FNDC3A: variants seen among roughly 807,000 people sequenced by gnomAD.
FNDC3A encodes fibronectin type-III domain-containing protein 3A.
A neutral mutation model predicts 148.9 loss-of-function variants in FNDC3A; 32 were observed. That is an observed-to-expected ratio of 0.21 (90% CI 0.16 to 0.29). The LOEUF (loss-of-function observed/expected upper bound fraction) is 0.29. FNDC3A is among the 10% of genes least tolerant of loss of function. The pLI is 1.00. For missense variants in FNDC3A, 1,191 were observed against 1,452.8 expected (o/e 0.82, Z 2.93); for synonymous variants, 472 against 473.6 (o/e 1.00, Z 0.04).
At chr13:48,978,131 ATCTG>A (rs1455466005) in intron 1 of FNDC3A, among the ~76,000 whole-genome samples, 18 of 152,054 alleles carry the variant, frequency 1.2e-4, no homozygotes, top group Non-Finnish European at 1.5e-4. Context: ...CACTTCCTCT[ATCTG>A]TGTGAGTAAT....
chr13:49,119,732 G>T (rs1313383790), intron 4 of FNDC3A, among the ~76,000 whole-genome samples: 3 of 151,788 alleles, frequency 2.0e-5, no homozygotes, highest in Non-Finnish European at 4.4e-5. Context: ...GCAGAAGAAA[G>T]GATGTCAGAG....
At chr13:49,184,635 A>G (rs1271839392) in intron 14 of FNDC3A, among the ~76,000 whole-genome samples, 2 of 152,100 alleles carry the variant, frequency 1.3e-5, no homozygotes, top group Non-Finnish European at 2.9e-5. Flanking sequence ...GAGCTTATAA[A>G]ATGAGGGGTT....
chr13:49,111,705 A>G (rs1458529961), intron 3 of FNDC3A, among the ~76,000 whole-genome samples: 1 of 151,310 alleles, frequency 6.6e-6, no homozygotes, highest in African/African-American at 2.4e-5. Context: ...CAGCCTGGGC[A>G]ACAGAGTAAA....
At chr13:49,122,265 AT>A (rs962244432) in intron 4 of FNDC3A, among the ~76,000 whole-genome samples, 3 of 152,170 alleles carry the variant, frequency 2.0e-5, no homozygotes, top group Non-Finnish European at 4.4e-5. Context: ...GATTATCTCA[AT>A]AGACACAGAA....
intron 6 of FNDC3A, among the ~76,000 whole-genome samples, chr13:49,138,152 A>C (rs1003209132): frequency 6.6e-6 from 1 of 152,208 alleles, no homozygotes; most frequent in South Asian, 2.1e-4. Flanking sequence ...TCCATGCCTC[A>C]CTAACAAATT....
chr13:49,002,452 T>C (rs1952143282), intron 1 of FNDC3A, among the ~76,000 whole-genome samples: 1 of 152,218 alleles, frequency 6.6e-6, no homozygotes, highest in Non-Finnish European at 1.5e-5. Context: ...AAAATAATTT[T>C]TGAAGGATAA....
chr13:49,206,240 C>G (rs1000573217), intron 25 of FNDC3A, among the ~76,000 whole-genome samples: 13 of 152,188 alleles, frequency 8.5e-5, no homozygotes, highest in African/African-American at 3.1e-4. Context: ...ACTAGTATGT[C>G]TGTTATACTA....
At chr13:48,992,902 T>C (rs550641353) in intron 1 of FNDC3A, among the ~76,000 whole-genome samples, 24 of 152,320 alleles carry the variant, frequency 1.6e-4, no homozygotes, top group Non-Finnish European at 2.9e-4. Context: ...GATGCGTGTT[T>C]GTTTAATACA....
At chr13:49,206,317 A>T (rs1886640025) in intron 25 of FNDC3A, among the ~76,000 whole-genome samples, 1 of 135,734 alleles carries the variant, frequency 7.4e-6, no homozygotes, top group Non-Finnish European at 1.6e-5. Context: ...GCCAGGGGTG[A>T]ACAGTTCTAG....
intron 8 of FNDC3A, among the ~76,000 whole-genome samples, chr13:49,158,826 C>G (rs1356783525): frequency 6.6e-6 from 1 of 152,124 alleles, no homozygotes; most frequent in African/African-American, 2.4e-5. Context: ...CCAGTTTCAG[C>G]TTTCTACATA....
intron 3 of FNDC3A, among the ~76,000 whole-genome samples, chr13:49,080,736 A>G (rs1051512544): frequency 6.6e-6 from 1 of 152,144 alleles, no homozygotes; most frequent in African/African-American, 2.4e-5. Context: ...AAAAATAGGG[A>G]ATTAGGCAAG....
chr13:49,144,209 A>T (rs1273645883), intron 7 of FNDC3A, among the ~76,000 whole-genome samples: 3 of 151,970 alleles, frequency 2.0e-5, no homozygotes, highest in Non-Finnish European at 4.4e-5. Flanking sequence ...AGAAAAAAAA[A>T]CCTGCTCAGT....
chr13:49,012,701 GT>G (rs542756287), intron 2 of FNDC3A, among the ~76,000 whole-genome samples: 6 of 151,852 alleles, frequency 4.0e-5, no homozygotes, highest in Non-Finnish European at 7.4e-5. Context: ...ATTTATGTAG[GT>G]TTTTAATGTC....
chr13:49,008,317 G>A (rs562211121), intron 2 of FNDC3A, among the ~76,000 whole-genome samples: 21 of 152,136 alleles, frequency 1.4e-4, no homozygotes, highest in South Asian at 6.2e-4. Context: ...AGGTGGGAGC[G>A]CAATAAACTT....
intron 8 of FNDC3A, among the ~76,000 whole-genome samples, chr13:49,158,350 A>G (rs978231530): frequency 1.3e-4 from 20 of 152,318 alleles, no homozygotes; most frequent in Non-Finnish European, 1.9e-4. Flanking sequence ...GCGCTTCCCA[A>G]GTGAGGCAAT....
intron 17 of FNDC3A, among the ~76,000 whole-genome samples, chr13:49,190,146 A>G (rs186328820): frequency 1.7e-3 from 252 of 152,274 alleles, no homozygotes; most frequent in African/African-American, 5.7e-3. Flanking sequence ...TCAGCCTCCC[A>G]AAGCGCTGGG....
chr13:49,019,344 G>A (rs982349015), intron 2 of FNDC3A, among the ~76,000 whole-genome samples: 6 of 152,240 alleles, frequency 3.9e-5, no homozygotes, highest in Admixed American at 1.3e-4. Flanking sequence ...CGCAGTAGGC[G>A]GGTGGGAGTG....
chr13:49,020,519 A>G (rs1321302557), intron 2 of FNDC3A, among the ~76,000 whole-genome samples: 1 of 152,248 alleles, frequency 6.6e-6, no homozygotes, highest in Admixed American at 6.5e-5. Context: ...CGTCCTTCAC[A>G]GGTTTGCTGT....
intron 16 of FNDC3A, among the ~76,000 whole-genome samples, chr13:49,188,092 A>G (rs753906289): frequency 3.9e-5 from 6 of 152,312 alleles, no homozygotes; most frequent in Non-Finnish European, 7.4e-5. Flanking sequence ...TGAATCACAC[A>G]TTTAGCAGTG....
Sources: allele counts gnomAD v4.1 joint callset (sites outside exome capture counted in the v4.1 genomes callset), GRCh38; gene constraint gnomAD v4.1.1; transcripts MANE v1.5; gene names NCBI Gene and HGNC (gene_info 2026-07-23, HGNC 2026-07-21).